The following ADARB1 variants were observed in gnomAD, a reference collection of about 807,000 sequenced individuals.
The protein encoded by ADARB1 is adenosine deaminase RNA specific B1, also known as double-stranded RNA-specific editase 1.
A neutral mutation model predicts 52.4 loss-of-function variants in ADARB1; 10 were observed. The ratio of observed to expected loss-of-function variants is 0.19; its 90% CI spans 0.12 to 0.32. ADARB1 has a LOEUF of 0.32. Among genes scored for constraint, ADARB1 ranks in the 10% least tolerant of loss-of-function variants. The pLI is 1.00. For missense variants in ADARB1, 643 were observed against 922.3 expected (o/e 0.70, Z 3.92); for synonymous variants, 349 against 371.1 (o/e 0.94, Z 0.68).
chr21:45,213,349 A>G (rs73233859), intron 9 of ADARB1, among the ~76,000 whole-genome samples: 3,000 of 152,038 alleles, frequency 0.02, 50 homozygotes, highest in Non-Finnish European at 0.032. Context: ...AATGAGAACA[A>G]TTTTTTTTAT....
chr21:45,074,686 C>A lies in ADARB1; in HGVS notation c.-327C>A. 1 of 144,874 alleles carries A rather than the reference C, an allele frequency of 6.9e-6. No homozygotes were observed. Among genetic ancestry groups the A allele is most frequent in the South Asian group, 1.9e-4 (1 of 5,250 alleles). The allele number at this position is 144,874 out of a possible 1,614,324, so 9.0% of individuals were successfully genotyped here. A position where few individuals can be genotyped will look rare whatever the true frequency, so the allele number is the denominator to read the frequency against. On this transcript the variant is annotated 5_prime_UTR_variant, in exon 1 of 11. Coordinates refer to ENST00000348831, the MANE Select transcript of ADARB1 (RefSeq NM_001112.4). The stretch of plus-strand genomic sequence containing the variant: ...GGGCCGCGCGAGGCCACGGCCACGC[C>A]GCGCCGCTGCGCACAACCAACGAGG...
chr21:45,140,061 A>G (rs866288002), intron 2 of ADARB1, among the ~76,000 whole-genome samples: 1 of 147,442 alleles, frequency 6.8e-6, no homozygotes, highest in South Asian at 2.1e-4. Context: ...CTCCTGCCTC[A>G]GCCTCCCTAG....
At chr21:45,155,434 A>T (rs961189583) in intron 2 of ADARB1, among the ~76,000 whole-genome samples, 2 of 152,082 alleles carry the variant, frequency 1.3e-5, no homozygotes, top group African/African-American at 4.8e-5. Flanking sequence ...CCTTTGTGAG[A>T]TGCAGAGCAT....
intron 1 of ADARB1, among the ~76,000 whole-genome samples, chr21:45,112,198 TC>T (rs1391931806): frequency 3.3e-5 from 5 of 152,238 alleles, no homozygotes; most frequent in Non-Finnish European, 5.9e-5. Flanking sequence ...GAATGGTGTC[TC>T]TGCACACCTC....
chr21:45,193,069 A>T (rs2092341397), intron 8 of ADARB1, among the ~76,000 whole-genome samples: 1 of 152,188 alleles, frequency 6.6e-6, no homozygotes, highest in Non-Finnish European at 1.5e-5. Context: ...AGTGAAAGAG[A>T]TACTTCCCAA....
At chr21:45,156,420 CCCATCAT>C (rs2090638730) in intron 2 of ADARB1, among the ~76,000 whole-genome samples, 1 of 149,574 alleles carries the variant, frequency 6.7e-6, no homozygotes. Flanking sequence ...CCCATCATCA[CCCATCAT>C]CCATCATCCA....
chr21:45,076,951 TAAGC>T (rs1210135681), intron 1 of ADARB1, among the ~76,000 whole-genome samples: 1 of 152,206 alleles, frequency 6.6e-6, no homozygotes, highest in Non-Finnish European at 1.5e-5. Flanking sequence ...TTTAAAAAGA[TAAGC>T]AAGCACACAG....
intron 1 of ADARB1, among the ~76,000 whole-genome samples, chr21:45,104,523 G>A (rs1162963776): frequency 6.6e-6 from 1 of 152,130 alleles, no homozygotes; most frequent in African/African-American, 2.4e-5. Flanking sequence ...AATGAGGGAC[G>A]AACCCAGAAC....
At chr21:45,219,830 T>C (rs555302241) in intron 9 of ADARB1, among the ~76,000 whole-genome samples, 7 of 152,228 alleles carry the variant, frequency 4.6e-5, no homozygotes, top group African/African-American at 1.7e-4. Flanking sequence ...TGGCTCACTT[T>C]CTTGAAACAC....
intron 8 of ADARB1, among the ~76,000 whole-genome samples, chr21:45,194,576 C>T (rs942562832): frequency 2.7e-5 from 4 of 150,816 alleles, no homozygotes; most frequent in African/African-American, 9.8e-5. Flanking sequence ...AACCTCTGTA[C>T]TCTGCCTGTT....
At chr21:45,138,982 A>G (rs1364068766) in intron 2 of ADARB1, among the ~76,000 whole-genome samples, 1 of 150,404 alleles carries the variant, frequency 6.6e-6, no homozygotes, top group Non-Finnish European at 1.5e-5. Flanking sequence ...GTGCAGTGGC[A>G]CAATCTTGGC....
Position 45,223,527 on chromosome 21 carries a change from G to T in ADARB1, c.*1330G>T, listed in dbSNP as rs1298920667. 1.0e-6 allele frequency: 1 copy of T among 985,574 alleles called. No individual in the cohort carries two copies. The highest frequency in any genetic ancestry group is 6.1e-5 in the Admixed American group (1 of 16,274). 61.1% of individuals were successfully genotyped at this position (985,574 alleles called of 1,614,324 possible). A position where few individuals can be genotyped will look rare whatever the true frequency, so the allele number is the denominator to read the frequency against. On this transcript the variant is annotated 3_prime_UTR_variant, in exon 11 of 11. Coordinates refer to ENST00000348831, the MANE Select transcript of ADARB1 (RefSeq NM_001112.4). ...GGATGAAAGAGGAGCTGAGAGAAGTGCTCTGCCTGCCAGTGCAGTGCCCAG... is the reference window on the plus strand; with the variant it reads ...GGATGAAAGAGGAGCTGAGAGAAGTTCTCTGCCTGCCAGTGCAGTGCCCAG...
At chr21:45,106,190 A>G in intron 1 of ADARB1, among the ~76,000 whole-genome samples, 1 of 56,470 alleles carries the variant, frequency 1.8e-5, no homozygotes, top group Non-Finnish European at 3.6e-5. Flanking sequence ...ATCCCGTGGG[A>G]GGCTTTTTTT....
At position 45,204,545 on chromosome 21, in the gene ADARB1, C is replaced by G. The variant is rs749177740; in HGVS notation, c.1566-10C>G. ...AGCTCCCTGAAGACTGTGCTTTCTTCTCCCTCCAGCTGGAACGTGGTGGGC... is the reference window on the plus strand; with the variant it reads ...AGCTCCCTGAAGACTGTGCTTTCTTGTCCCTCCAGCTGGAACGTGGTGGGC... On this transcript the variant is annotated splice_polypyrimidine_tract_variant and intron_variant, in intron 8 of 10. Coordinates refer to ENST00000348831, the MANE Select transcript of ADARB1 (RefSeq NM_001112.4). This position sits in a 1 kb window ranked among gnomAD's most constrained non-coding sequence, Gnocchi z 4.4. 7 of 1,613,554 alleles carry G rather than the reference C, an allele frequency of 4.3e-6. No homozygotes were observed. The highest frequency in any genetic ancestry group is 5.9e-6 in the Non-Finnish European group (7 of 1,179,698).
At position 45,222,481 on chromosome 21, in the gene ADARB1, G is replaced by A. The variant is rs1477013732; in HGVS notation, c.*284G>A. ...CCGTCCAGTGACTGCTTTCAATCTC[G>A]GTTTACGTTTAGAAATTGAGTTCTA... On this transcript the variant is annotated 3_prime_UTR_variant, in exon 11 of 11. Coordinates refer to ENST00000348831, the MANE Select transcript of ADARB1 (RefSeq NM_001112.4). The A allele has an allele frequency of 6.6e-5, 79 of 1,198,340 alleles. No individual in the cohort carries two copies. Among genetic ancestry groups the A allele is most frequent in the South Asian group, 1.2e-4 (3 of 25,024 alleles). The allele number at this position is 1,198,340 out of a possible 1,614,324, so 74.2% of individuals were successfully genotyped here. A position where few individuals can be genotyped will look rare whatever the true frequency, so the allele number is the denominator to read the frequency against.
At chr21:45,194,027 T>C (rs568286922) in intron 8 of ADARB1, among the ~76,000 whole-genome samples, 7 of 152,310 alleles carry the variant, frequency 4.6e-5, no homozygotes, top group Non-Finnish European at 1.0e-4. Flanking sequence ...GTAAAACAAC[T>C]TTCAAAAGGA....
chr21:45,087,416 T>C (rs377295275), intron 1 of ADARB1, among the ~76,000 whole-genome samples: 3 of 152,164 alleles, frequency 2.0e-5, no homozygotes, highest in African/African-American at 7.2e-5. Context: ...ATCTAAATGC[T>C]GCCCTTGATG....
chr21:45,165,636 A>C (rs1490363042), intron 2 of ADARB1, among the ~76,000 whole-genome samples: 4 of 152,238 alleles, frequency 2.6e-5, no homozygotes, highest in African/African-American at 4.8e-5. Context: ...ATCTCTAAAC[A>C]TGCATGATTC....
chr21:45,212,783 A>T (rs748038055), intron 9 of ADARB1, among the ~76,000 whole-genome samples: 15 of 152,206 alleles, frequency 9.9e-5, no homozygotes, highest in Non-Finnish European at 1.9e-4. Context: ...ACAAACTTGG[A>T]TTATCAAACT....
Sources: allele counts gnomAD v4.1 joint callset (sites outside exome capture counted in the v4.1 genomes callset), GRCh38; gene constraint gnomAD v4.1.1; non-coding constraint Gnocchi (gnomAD v3.1); transcripts MANE v1.5; gene names NCBI Gene and HGNC (gene_info 2026-07-23, HGNC 2026-07-21).